Variants in CACNA2D1 observed in about 807,000 individuals in gnomAD.
CACNA2D1 encodes calcium voltage-gated channel auxiliary subunit alpha2delta 1.
Under a neutral mutation model 171.5 loss-of-function variants are expected in CACNA2D1, and 53 were observed. That is an observed-to-expected ratio of 0.31 (90% CI 0.25 to 0.39). The LOEUF (loss-of-function observed/expected upper bound fraction) is 0.39, where lower values mean the gene tolerates loss of function less well. CACNA2D1 is among the 10% of genes least tolerant of loss of function. The probability of loss-of-function intolerance (pLI) is 1.00; values close to 1 mark genes in which losing one functional copy is unlikely to be tolerated. For missense variants in CACNA2D1, 903 were observed against 1,299.8 expected (o/e 0.69, Z 4.69); for synonymous variants, 442 against 443.1 (o/e 1.00, Z 0.03).
chr7:82,439,687 T>C (rs148726248), intron 1 of CACNA2D1, among the ~76,000 whole-genome samples: 216 of 151,306 alleles, frequency 1.4e-3, no homozygotes, highest in African/African-American at 5.0e-3. Flanking sequence ...TGTGTAACAT[T>C]AATAAATTTA....
chr7:82,441,402 A>C (rs1450166203), intron 1 of CACNA2D1, among the ~76,000 whole-genome samples: 1 of 152,122 alleles, frequency 6.6e-6, no homozygotes, highest in Non-Finnish European at 1.5e-5. Flanking sequence ...TCAATGTCTT[A>C]TATAATTTGA....
rs146646153 is a variant in CACNA2D1, at chr7:82,321,292, G to C, written c.294+13843C>G. On this transcript the variant is annotated intron_variant, in intron 3 of 38. Coordinates refer to ENST00000356860, the MANE Select transcript of CACNA2D1 (RefSeq NM_000722.4). Reference sequence around the variant, plus strand: ...TGCGCGCTTGTAACCCCAGGTACTCGGGAGGCTAAGGCAGAAGAATAGCTT... The same window carrying C: ...TGCGCGCTTGTAACCCCAGGTACTCCGGAGGCTAAGGCAGAAGAATAGCTT... Among the ~76,000 whole-genome samples, 17 of 152,100 alleles carry C rather than the reference G, an allele frequency of 1.1e-4. No individual in the cohort carries two copies. The East Asian group carries it at 3.3e-3, about 29-fold the overall frequency.
chr7:82,434,334 GT>G (rs1829944024), intron 1 of CACNA2D1, among the ~76,000 whole-genome samples: 1 of 152,060 alleles, frequency 6.6e-6, no homozygotes, highest in Non-Finnish European at 1.5e-5. Context: ...ACTATTTATT[GT>G]TTTTTCTTAA....
intron 25 of CACNA2D1, among the ~76,000 whole-genome samples, chr7:81,973,608 G>A (rs1294107044): frequency 6.6e-6 from 1 of 151,900 alleles, no homozygotes; most frequent in Non-Finnish European, 1.5e-5. Context: ...AGAACAAAGA[G>A]ACTCCTCTTT....
At chr7:82,135,491 T>C (rs563838071) in intron 5 of CACNA2D1, among the ~76,000 whole-genome samples, 2 of 152,174 alleles carry the variant, frequency 1.3e-5, no homozygotes, top group South Asian at 2.1e-4. Flanking sequence ...AAATACTTTT[T>C]AAAACACTCT....
rs201927487 is a variant in CACNA2D1 at position 82,258,817 on chromosome 7, C to CTTTTTTTTTTTTTTTTTTTT, written c.294+76298_294+76317dup. 1.0e-3 allele frequency among the ~76,000 whole-genome samples: 74 copies of CTTTTTTTTTTTTTTTTTTTT among 72,624 alleles called. 10 individuals carry two copies. The highest frequency in any genetic ancestry group is 1.4e-3 in the Non-Finnish European group (55 of 38,358). The allele number at this position is 72,624 out of a possible 152,430, so 47.6% of individuals were successfully genotyped here. A position where few individuals can be genotyped will look rare whatever the true frequency, so the allele number is the denominator to read the frequency against. On this transcript the variant is annotated intron_variant, in intron 3 of 38. Coordinates refer to ENST00000356860, the MANE Select transcript of CACNA2D1 (RefSeq NM_000722.4). ...ATTTCTTTCTTTCTTTCTTACTTTT[C>CTTTTTTTTTTTTTTTTTTTT]TTTTTTTTTTTTTTTTTTTTTTGAG...
At chr7:82,264,318 C>A (rs367833307) in intron 3 of CACNA2D1, among the ~76,000 whole-genome samples, 97 of 152,060 alleles carry the variant, frequency 6.4e-4, no homozygotes, top group South Asian at 2.7e-3. Context: ...GGCAGAAAGT[C>A]ACTTTTTATG....
At chr7:82,039,599 T>C (rs753944803) in intron 10 of CACNA2D1, among the ~76,000 whole-genome samples, 1 of 152,186 alleles carries the variant, frequency 6.6e-6, no homozygotes, top group African/African-American at 2.4e-5. Flanking sequence ...TAAATTATGA[T>C]TCATTCTATA....
chr7:82,421,498 G>C (rs1281878240), intron 1 of CACNA2D1, among the ~76,000 whole-genome samples: 1 of 152,104 alleles, frequency 6.6e-6, no homozygotes, highest in Non-Finnish European at 1.5e-5. Flanking sequence ...ATTTTAGAGG[G>C]GAGAGGGCTC....
intron 20 of CACNA2D1, among the ~76,000 whole-genome samples, chr7:81,993,597 G>A (rs1304404438): frequency 6.6e-6 from 1 of 152,098 alleles, no homozygotes; most frequent in Non-Finnish European, 1.5e-5. Flanking sequence ...TATGCACAGT[G>A]TTGTAATTGT....
intron 3 of CACNA2D1, among the ~76,000 whole-genome samples, chr7:82,180,817 G>A (rs567317611): frequency 1.8e-4 from 27 of 152,104 alleles, no homozygotes; most frequent in Admixed American, 1.2e-3. Context: ...CAGCTAGCAG[G>A]TGGCAGGTGG....
chr7:82,071,765 T>C (rs1808342218), intron 7 of CACNA2D1, among the ~76,000 whole-genome samples: 2 of 152,194 alleles, frequency 1.3e-5, no homozygotes, highest in Non-Finnish European at 2.9e-5. Context: ...ACTATACTTT[T>C]CAGTTTCTCC....
chr7:82,431,630 T>G (rs1829683436), intron 1 of CACNA2D1, among the ~76,000 whole-genome samples: 1 of 152,160 alleles, frequency 6.6e-6, no homozygotes, highest in African/African-American at 2.4e-5. Context: ...AGATCAAATC[T>G]GAACTCCTAA....
In CACNA2D1 at chr7:82,053,268, A is replaced by AAT. The variant is rs1562928841; in HGVS notation, c.879+7158_879+7159dup. ...CTCCGTCTCAAAAAAAAAAAAAAAA[A>AAT]ATTAAATAATTACCTATCAATTATG... On this transcript the variant is annotated intron_variant, in intron 10 of 38. Coordinates refer to ENST00000356860, the MANE Select transcript of CACNA2D1 (RefSeq NM_000722.4). Among the ~76,000 whole-genome samples, 3 of 151,276 alleles carry AAT rather than the reference A, an allele frequency of 2.0e-5. No homozygotes were observed. In the East Asian group the frequency reaches 5.8e-4, roughly 29 times the overall value.
intron 38 of CACNA2D1, 99 bp from the exon 39 acceptor site, chr7:81,950,607 C>T: frequency 6.8e-7 from 1 of 1,479,194 alleles, no homozygotes; most frequent in African/African-American, 1.4e-5. Context: ...ATATTTAGTT[C>T]ACTTTCTGAA....
In CACNA2D1 at chr7:82,038,132, T is replaced by C. The variant is rs200828463; in HGVS notation, c.983A>G (p.Lys328Arg). 6.2e-7 allele frequency: 1 copy of C among 1,613,842 alleles called. No individual in the cohort carries two copies. The highest frequency in any genetic ancestry group is 8.5e-7 in the Non-Finnish European group (1 of 1,179,834). ...LKDAVNNITA[K>R]GITDYKKGFS... is the part of the protein sequence containing the mutation. The stretch of plus-strand genomic sequence containing the variant: ...GCCCTTCTTATAATCTGTAATTCCT[T>C]TGGCTGTGATATTATTCACCGCGTC... Residue 328 changes from lysine to arginine, a missense_variant, in exon 11 of 39, where the codon AAA becomes AGA. Physicochemically the swap from Lys to Arg is conservative, Grantham distance 26 (BLOSUM62 2). Around this residue, in one of 5 missense-constraint regions of CACNA2D1, gnomAD observed 623 missense variants for 925.5 expected, o/e 0.67. Coordinates refer to ENST00000356860, the MANE Select transcript of CACNA2D1 (RefSeq NM_000722.4).
At chr7:82,403,728 A>T (rs1826712815) in intron 1 of CACNA2D1, among the ~76,000 whole-genome samples, 1 of 152,220 alleles carries the variant, frequency 6.6e-6, no homozygotes. Context: ...TATGGATACT[A>T]CATCATGGGG....
At chr7:82,011,985 T>C in intron 15 of CACNA2D1, 169 bp downstream of exon 15, 2 of 633,284 alleles carry the variant, frequency 3.2e-6, no homozygotes, top group Non-Finnish European at 5.7e-6. Context: ...TACATACGAG[T>C]CTATGTTTTT....
chr7:82,106,450 C>T (rs1461567957), intron 6 of CACNA2D1, among the ~76,000 whole-genome samples: 1 of 152,086 alleles, frequency 6.6e-6, no homozygotes, highest in Non-Finnish European at 1.5e-5. Flanking sequence ...CTTCTGATTT[C>T]CAGCTGTCAA....
Sources: gnomAD v4.1 joint callset for allele counts (sites outside exome capture counted in the v4.1 genomes callset) on GRCh38, gnomAD v4.1.1 for gene constraint, gnomAD v4.1.1 regional missense constraint, MANE v1.5 for transcripts, NCBI Gene and HGNC (gene_info 2026-07-23, HGNC 2026-07-21) for gene names.